THRB: variants seen among roughly 807,000 people sequenced by gnomAD.
THRB encodes the protein thyroid hormone receptor beta, also known as nuclear receptor subfamily 1 group A member 2.
THRB carries 12 observed loss-of-function variants against 47.8 expected under a neutral mutation model. The ratio of observed to expected loss-of-function variants is 0.25; its 90% CI spans 0.16 to 0.41. THRB has a LOEUF of 0.41. Ranked by LOEUF, THRB falls within the 10% of genes least tolerant of loss-of-function variation. The pLI, the probability that THRB is intolerant of heterozygous loss-of-function variation, is 1.00. For synonymous variants in THRB, 218 were observed against 212.2 expected (o/e 1.03, Z -0.24); for missense variants, 348 against 589.2 (o/e 0.59, Z 4.24).
At chr3:24,331,902 G>C (rs1281203581) in intron 2 of THRB, among the ~76,000 whole-genome samples, 3 of 151,854 alleles carry the variant, frequency 2.0e-5, no homozygotes, top group Non-Finnish European at 4.4e-5. Flanking sequence ...TCATACACTT[G>C]GCTACAAGAT....
At chr3:24,352,586 C>G (rs912256162) in intron 1 of THRB, among the ~76,000 whole-genome samples, 15 of 152,166 alleles carry the variant, frequency 9.9e-5, no homozygotes, top group Non-Finnish European at 2.1e-4. Flanking sequence ...CTGCAAATTT[C>G]AAACCGGGGT....
intron 2 of THRB, among the ~76,000 whole-genome samples, chr3:24,311,465 C>T (rs1441778298): frequency 6.6e-6 from 1 of 152,134 alleles, no homozygotes; most frequent in Non-Finnish European, 1.5e-5. Flanking sequence ...TTCAGAATTT[C>T]CAGAGCCCAT....
chr3:24,149,782 C>T (rs2036636796), intron 6 of THRB, among the ~76,000 whole-genome samples: 1 of 152,024 alleles, frequency 6.6e-6, no homozygotes. Context: ...GAAATTAACT[C>T]TTGGAAGTGG....
At chr3:24,393,846 T>C (rs188259054) in intron 1 of THRB, among the ~76,000 whole-genome samples, 6 of 152,268 alleles carry the variant, frequency 3.9e-5, no homozygotes, top group East Asian at 1.9e-4. Flanking sequence ...GTAAATCCAA[T>C]GTCCATTTTT....
chr3:24,176,903 T>C (rs899912734), intron 5 of THRB, among the ~76,000 whole-genome samples: 2 of 152,176 alleles, frequency 1.3e-5, no homozygotes, highest in African/African-American at 4.8e-5. Context: ...CTAACAATCA[T>C]TGAACTATAC....
intron 3 of THRB, among the ~76,000 whole-genome samples, chr3:24,257,018 C>T (rs1387566338): frequency 1.3e-5 from 2 of 152,000 alleles, no homozygotes; most frequent in East Asian, 3.9e-4. Flanking sequence ...GATAGGAGTT[C>T]TGGGTTCTCG....
chr3:24,180,276 G>A (rs1207214468), intron 5 of THRB, among the ~76,000 whole-genome samples: 3 of 152,078 alleles, frequency 2.0e-5, no homozygotes, highest in East Asian at 1.9e-4. Context: ...AGATGTCTGA[G>A]GCAACTATGG....
At chr3:24,427,668 T>A (rs760156472) in intron 1 of THRB, among the ~76,000 whole-genome samples, 6 of 152,070 alleles carry the variant, frequency 3.9e-5, no homozygotes, top group Non-Finnish European at 7.4e-5. Flanking sequence ...AATAACTTTA[T>A]TTCTGTAAAA....
At chr3:24,442,411 C>T (rs749790679) in intron 1 of THRB, among the ~76,000 whole-genome samples, 4 of 152,150 alleles carry the variant, frequency 2.6e-5, no homozygotes, top group Non-Finnish European at 4.4e-5. Context: ...TGCAACAGTT[C>T]GCAGTCTTGG....
chr3:24,187,681 T>C (rs531175299), intron 5 of THRB, among the ~76,000 whole-genome samples: 1 of 152,310 alleles, frequency 6.6e-6, no homozygotes, highest in East Asian at 1.9e-4. Flanking sequence ...CACAGCCATC[T>C]AGGAAATAAA....
chr3:24,383,991 T>C (rs1403865075), intron 1 of THRB, among the ~76,000 whole-genome samples: 1 of 152,192 alleles, frequency 6.6e-6, no homozygotes, highest in Non-Finnish European at 1.5e-5. Context: ...AATTAATAAC[T>C]TAAGGGATCT....
chr3:24,356,641 G>T (rs2063692879), intron 1 of THRB, among the ~76,000 whole-genome samples: 1 of 152,044 alleles, frequency 6.6e-6, no homozygotes, highest in Non-Finnish European at 1.5e-5. Flanking sequence ...AACTCTTCCA[G>T]CCTCTACCCC....
At chr3:24,309,419 C>T (rs528926662) in intron 2 of THRB, among the ~76,000 whole-genome samples, 50 of 152,196 alleles carry the variant, frequency 3.3e-4, no homozygotes, top group Non-Finnish European at 5.7e-4. Flanking sequence ...AACCCACTAA[C>T]AGGGTGCAAT....
intron 5 of THRB, among the ~76,000 whole-genome samples, chr3:24,166,993 C>G (rs2039724170): frequency 6.6e-6 from 1 of 150,400 alleles, no homozygotes; most frequent in Non-Finnish European, 1.5e-5. Flanking sequence ...GATGGCTGTT[C>G]AGAAAAAAAA....
At chr3:24,205,539 C>A (rs999578806) in intron 4 of THRB, among the ~76,000 whole-genome samples, 1 of 152,198 alleles carries the variant, frequency 6.6e-6, no homozygotes, top group African/African-American at 2.4e-5. Context: ...GCAGCCACTG[C>A]AAAAACATGC....
At chr3:24,210,501 C>G (rs2045911262) in intron 4 of THRB, among the ~76,000 whole-genome samples, 2 of 151,708 alleles carry the variant, frequency 1.3e-5, no homozygotes, top group African/African-American at 2.4e-5. Context: ...TTACTGGCAT[C>G]TAGTGGGTAC....
intron 8 of THRB, 122 bp from the exon 9 acceptor site, chr3:24,133,584 A>C: frequency 1.1e-6 from 1 of 917,398 alleles, no homozygotes; most frequent in East Asian, 2.6e-5. Context: ...CAGTTTTCAC[A>C]TCATTTGTTA....
Position 24,419,718 on chromosome 3 carries a change from T to C in THRB, c.-261+74934A>G, listed in dbSNP as rs555178005. ...GTAATTCTGAAATAACTTGGTCATA[T>C]TTATATATCACATCTTCTATCTTTG... On this transcript the variant is annotated intron_variant, in intron 1 of 10. Coordinates refer to ENST00000646209, the MANE Select transcript of THRB (RefSeq NM_001354712.2). 7.2e-5 allele frequency among the ~76,000 whole-genome samples: 11 copies of C among 152,062 alleles called. No homozygotes were observed. In the South Asian group the frequency reaches 2.1e-3, roughly 29 times the overall value.
chr3:24,335,393 G>A (rs930152128), intron 2 of THRB, among the ~76,000 whole-genome samples: 20 of 152,168 alleles, frequency 1.3e-4, no homozygotes, highest in East Asian at 3.8e-4. Flanking sequence ...GAAACTCTGC[G>A]TAATGACTTT....
Sources: gnomAD v4.1 joint callset for allele counts (sites outside exome capture counted in the v4.1 genomes callset) on GRCh38, gnomAD v4.1.1 for gene constraint, MANE v1.5 for transcripts, NCBI Gene and HGNC (gene_info 2026-07-23, HGNC 2026-07-21) for gene names.